The following OPCML variants were observed in gnomAD, a reference collection of about 807,000 sequenced individuals.
OPCML encodes the protein opioid binding protein/cell adhesion molecule like, also known as opioid-binding protein/cell adhesion molecule.
In OPCML, 13 loss-of-function variants were observed where a neutral mutation model predicts 37.8. That is an observed-to-expected ratio of 0.34 (90% CI 0.22 to 0.55). The LOEUF is 0.55. Among genes scored for constraint, OPCML ranks in the 20% least tolerant of loss-of-function variants. The pLI is 0.91. For synonymous variants in OPCML, 176 were observed against 168.8 expected, an observed-to-expected ratio of 1.04 and a Z score of -0.33; for missense variants, 341 against 435.6, an observed-to-expected ratio of 0.78 and a Z score of 1.93.
At chr11:133,405,697 C>A (rs528165481) in intron 1 of OPCML, among the ~76,000 whole-genome samples, 6 of 151,768 alleles carry the variant, frequency 4.0e-5, no homozygotes, top group African/African-American at 1.2e-4. Flanking sequence ...GGGCCACTGA[C>A]AGGGACAACA....
chr11:133,346,364 A>G (rs575256882), intron 1 of OPCML, among the ~76,000 whole-genome samples: 3 of 152,352 alleles, frequency 2.0e-5, no homozygotes, highest in South Asian at 4.1e-4. Flanking sequence ...AAGCTTCAGC[A>G]TGTGAGAGGC....
At chr11:132,901,610 T>C (rs1257115104) in intron 2 of OPCML, among the ~76,000 whole-genome samples, 2 of 152,138 alleles carry the variant, frequency 1.3e-5, no homozygotes, top group Admixed American at 1.3e-4. Flanking sequence ...GGGGTGCAGG[T>C]TCCCCACTAA....
intron 2 of OPCML, among the ~76,000 whole-genome samples, chr11:132,783,253 C>A (rs1452045029): frequency 6.6e-6 from 1 of 152,086 alleles, no homozygotes. Context: ...TGAAAGTGAT[C>A]ACTAAACTTG....
intron 2 of OPCML, among the ~76,000 whole-genome samples, chr11:132,847,723 T>A (rs983126115): frequency 6.6e-6 from 1 of 152,222 alleles, no homozygotes; most frequent in South Asian, 2.1e-4. Context: ...AAGTACAGTC[T>A]TTGGAGGATT....
chr11:132,910,992 TA>T (rs1404812648), intron 2 of OPCML, among the ~76,000 whole-genome samples: 1 of 152,212 alleles, frequency 6.6e-6, no homozygotes. Flanking sequence ...CACAAATCTC[TA>T]ATTTATAAGA....
chr11:132,865,144 G>A (rs942199841), intron 2 of OPCML, among the ~76,000 whole-genome samples: 4 of 152,136 alleles, frequency 2.6e-5, no homozygotes, highest in African/African-American at 4.8e-5. Context: ...GAGATTTTTC[G>A]AGGGGATAAG....
intron 3 of OPCML, among the ~76,000 whole-genome samples, chr11:132,606,323 G>A (rs1256054699): frequency 2.6e-5 from 4 of 152,060 alleles, no homozygotes; most frequent in Non-Finnish European, 4.4e-5. Flanking sequence ...ACTGCCTGCT[G>A]GGGAGACGCT....
intron 2 of OPCML, among the ~76,000 whole-genome samples, chr11:132,730,315 C>T (rs986825673): frequency 2.0e-5 from 3 of 151,898 alleles, no homozygotes; most frequent in African/African-American, 7.3e-5. Flanking sequence ...TCTTTAAGAC[C>T]ATGGCATCAT....
chr11:132,629,169 C>T (rs948114477), intron 3 of OPCML, among the ~76,000 whole-genome samples: 17 of 152,062 alleles, frequency 1.1e-4, no homozygotes, highest in African/African-American at 4.1e-4. Flanking sequence ...CTGGTGCTTC[C>T]CTGCTTGGTC....
chr11:133,313,398 T>C (rs1486471112), intron 1 of OPCML, among the ~76,000 whole-genome samples: 1 of 152,234 alleles, frequency 6.6e-6, no homozygotes, highest in African/African-American at 2.4e-5. Flanking sequence ...TTACATAGTT[T>C]TGGTAGATGG....
chr11:133,384,719 A>G (rs1284768859), intron 1 of OPCML, among the ~76,000 whole-genome samples: 8 of 152,320 alleles, frequency 5.3e-5, no homozygotes, highest in South Asian at 4.1e-4. Context: ...ACCAGCCTCA[A>G]TAGAGACATG....
chr11:133,237,103 G>T (rs563687543), intron 1 of OPCML, among the ~76,000 whole-genome samples: 2 of 152,324 alleles, frequency 1.3e-5, no homozygotes, highest in South Asian at 4.1e-4. Context: ...TGAGCTTTAA[G>T]AAGTGCTAAC....
At chr11:132,879,046 G>A (rs1210507480) in intron 2 of OPCML, among the ~76,000 whole-genome samples, 1 of 152,182 alleles carries the variant, frequency 6.6e-6, no homozygotes, top group Non-Finnish European at 1.5e-5. Flanking sequence ...ACATTTTTCA[G>A]TATGTCCTGT....
At chr11:133,481,742 G>A (rs757519676) in intron 1 of OPCML, among the ~76,000 whole-genome samples, 4 of 152,164 alleles carry the variant, frequency 2.6e-5, no homozygotes, top group South Asian at 2.1e-4. Context: ...AGAAAAAAAG[G>A]GGGAAAGTTA....
At chr11:133,075,648 T>C (rs1948610325) in intron 1 of OPCML, among the ~76,000 whole-genome samples, 1 of 152,114 alleles carries the variant, frequency 6.6e-6, no homozygotes, top group Non-Finnish European at 1.5e-5. Flanking sequence ...ATCCATCTAC[T>C]CTGGGGAGAG....
In OPCML at chr11:133,365,083, C is replaced by T. The variant is rs919180781; in HGVS notation, c.61+167181G>A. On this transcript the variant is annotated intron_variant, in intron 1 of 7. Coordinates refer to ENST00000524381, the MANE Select transcript of OPCML (RefSeq NM_001012393.5). ...ACACACACACACACACACACACACACTTATATACCCATTCTGCCCCTGGGA... is the reference window on the plus strand; with the variant it reads ...ACACACACACACACACACACACACATTTATATACCCATTCTGCCCCTGGGA... Among the ~76,000 whole-genome samples, 25 of 143,592 alleles carry T rather than the reference C, an allele frequency of 1.7e-4. No individual in the cohort carries two copies. In the East Asian group the frequency reaches 4.5e-3, roughly 26 times the overall value. 94.2% of individuals were successfully genotyped at this position (143,592 alleles called of 152,430 possible). A position where few individuals can be genotyped will look rare whatever the true frequency, so the allele number is the denominator to read the frequency against.
chr11:133,290,227 C>G (rs1942438264), intron 1 of OPCML, among the ~76,000 whole-genome samples: 1 of 151,454 alleles, frequency 6.6e-6, no homozygotes, highest in African/African-American at 2.4e-5. Context: ...ATCTGGGCAC[C>G]CGTGGAGACC....
chr11:133,233,658 C>T (rs1407355195), intron 1 of OPCML, among the ~76,000 whole-genome samples: 2 of 152,154 alleles, frequency 1.3e-5, no homozygotes, highest in Non-Finnish European at 2.9e-5. Flanking sequence ...CATTTTATGG[C>T]TCCTTGTTAA....
At chr11:132,984,407 C>A (rs1166129495) in intron 1 of OPCML, among the ~76,000 whole-genome samples, 1 of 152,212 alleles carries the variant, frequency 6.6e-6, no homozygotes, top group Non-Finnish European at 1.5e-5. Context: ...TTAGCACTTA[C>A]TATCTGGCAC....
Sources: gnomAD v4.1 joint callset for allele counts (sites outside exome capture counted in the v4.1 genomes callset) on GRCh38, gnomAD v4.1.1 for gene constraint, MANE v1.5 for transcripts, NCBI Gene and HGNC (gene_info 2026-07-23, HGNC 2026-07-21) for gene names.